HSCB: variants seen among roughly 807,000 people sequenced by gnomAD.
The protein encoded by HSCB is HscB mitochondrial iron-sulfur cluster cochaperone, also known as iron-sulfur cluster co-chaperone protein HscB.
Under a neutral mutation model 31.3 loss-of-function variants are expected in HSCB, and 23 were observed. The ratio of observed to expected loss-of-function variants is 0.74; its 90% confidence interval spans 0.53 to 1.04. The LOEUF is 1.04. HSCB is among the 50% of genes least tolerant of loss of function. The pLI, the probability that HSCB is intolerant of heterozygous loss-of-function variation, is 0.00. For synonymous variants in HSCB, 110 were observed against 104.5 expected (o/e 1.05, Z -0.32); for missense variants, 297 against 288.1 (o/e 1.03, Z -0.22).
Position 28,742,107 on chromosome 22 carries a change from G to T in HSCB, c.12G>T (p.Gly4=), listed in dbSNP as rs1012609326. Residue 4 remains glycine (G), a synonymous_variant, in exon 1 of 6, where the codon GGG becomes GGT. Transcript: ENST00000216027. Reference sequence around the variant, plus strand: ...AGGCCGCCGGCCAGATGTGGCGGGGGAGAGCCGGGGCTTTGCTCCGGGTGT... The same window carrying T: ...AGGCCGCCGGCCAGATGTGGCGGGGTAGAGCCGGGGCTTTGCTCCGGGTGT... MWR[G]RAGALLRVWG... The T allele has an allele frequency of 6.2e-7, 1 of 1,600,414 alleles. No homozygotes were observed. Among genetic ancestry groups the T allele is most frequent in the Non-Finnish European group, 8.5e-7 (1 of 1,173,680 alleles).
intron 4 of HSCB, among the ~76,000 whole-genome samples, chr22:28,749,833 CT>C (rs746640848): frequency 2.0e-5 from 3 of 152,232 alleles, no homozygotes; most frequent in Admixed American, 6.6e-5. Context: ...GTGCTACTGA[CT>C]TTGCGTGACC....
At chr22:28,742,364 G>A (rs1451010769) in intron 1 of HSCB, 33 bp downstream of exon 1, 1 of 1,605,302 alleles carries the variant, frequency 6.2e-7, no homozygotes, top group African/African-American at 1.3e-5. Flanking sequence ...ACGGGCCCGG[G>A]CGAGAGACAC....
chr22:28,751,361 A>G (rs566691839), intron 5 of HSCB, 73 bp downstream of exon 5: 1 of 844,590 alleles, frequency 1.2e-6, no homozygotes, highest in East Asian at 2.6e-5. Flanking sequence ...TTCATTCAAT[A>G]ACTAGCTATT....
intron 5 of HSCB, among the ~76,000 whole-genome samples, chr22:28,755,547 C>CTT (rs2030549128): frequency 6.6e-6 from 1 of 152,110 alleles, no homozygotes; most frequent in African/African-American, 2.4e-5. Flanking sequence ...CATTCCCTTG[C>CTT]TTTTCTTGAT....
Position 28,745,886 on chromosome 22 carries a change from T to G in HSCB, c.446T>G (p.Ile149Ser). The G allele has an allele frequency of 6.2e-7, 1 of 1,612,424 alleles. No individual in the cohort carries two copies. Among genetic ancestry groups the G allele is most frequent in the Non-Finnish European group, 8.5e-7 (1 of 1,179,422 alleles). ...TAGCTAAAGCTCCATGGAATAGAGA[T>G]TCCTGAAAGGACAGATTATGAAATG... is the stretch of plus-strand genomic sequence containing the variant. Reference protein sequence around the residue: ...LYLLKLHGIEIPERTDYEMDR... With the variant: ...LYLLKLHGIESPERTDYEMDR... Residue 149 changes from isoleucine (I) to serine (S), a missense_variant, in exon 4 of 6, where the codon ATT (isoleucine) becomes AGT (serine). Transcript: ENST00000216027.
At position 28,750,247 on chromosome 22, in the gene HSCB, C is replaced by CAAAAAAAAAAAAAAAA. The variant is rs563701958; in HGVS notation, c.569-980_569-965dup. 4.6e-5 allele frequency among the ~76,000 whole-genome samples: 3 copies of CAAAAAAAAAAAAAAAA among 64,714 alleles called. 1 individual carries two copies. The highest frequency in any genetic ancestry group is 9.3e-5 in the Non-Finnish European group (3 of 32,166). 42.5% of individuals were successfully genotyped at this position (64,714 alleles called of 152,430 possible). A position where few individuals can be genotyped will look rare whatever the true frequency, so the allele number is the denominator to read the frequency against. On this transcript the variant is annotated intron_variant, in intron 4 of 5. Transcript: ENST00000216027. ...CTGGGCAACAAGAGCGAAACTGTCT[C>CAAAAAAAAAAAAAAAA]AAAAAAAAAAAAAAAAAAAAAAAAA...
intron 4 of HSCB, among the ~76,000 whole-genome samples, chr22:28,748,500 G>A (rs569280425): frequency 6.6e-6 from 1 of 151,230 alleles, no homozygotes; most frequent in Non-Finnish European, 1.5e-5. Context: ...TGAAACCCAA[G>A]CGTTTTTTTT....
At chr22:28,752,504 G>C (rs2030323933) in intron 5 of HSCB, among the ~76,000 whole-genome samples, 1 of 151,840 alleles carries the variant, frequency 6.6e-6, no homozygotes, top group African/African-American at 2.4e-5. Flanking sequence ...AGAGGCTGAG[G>C]CTGGCGGATC....
chr22:28,757,003 G>A (rs2030644599), intron 5 of HSCB, 75 bp from the exon 6 acceptor site: 3 of 836,034 alleles, frequency 3.6e-6, no homozygotes, highest in Non-Finnish European at 2.1e-6. Context: ...CTTATATATC[G>A]CTGCCCTAGT....
intron 5 of HSCB, among the ~76,000 whole-genome samples, chr22:28,754,876 A>G (rs1002108966): frequency 2.7e-5 from 4 of 150,492 alleles, no homozygotes; most frequent in African/African-American, 9.7e-5. Context: ...GCTCACTGCA[A>G]CCTCAGCCTT....
intron 5 of HSCB, among the ~76,000 whole-genome samples, chr22:28,752,805 G>T (rs1569188353): frequency 6.6e-6 from 1 of 152,036 alleles, no homozygotes; most frequent in Non-Finnish European, 1.5e-5. Flanking sequence ...GATTGGCTAG[G>T]CGTGGTGGCT....
rs1283675927 is a variant in HSCB at position 28,742,439 on chromosome 22, G to A, written c.236+108G>A. The stretch of plus-strand genomic sequence containing the variant: ...TGGCGGAAGAGAAGGCGGGACTGAT[G>A]GGGGGGCGGAGGTCTAGAGAGCAGG... On this transcript the variant is annotated intron_variant, in intron 1 of 5. Coordinates refer to ENST00000216027, the MANE Select transcript of HSCB (RefSeq NM_172002.5). 8.1e-6 allele frequency: 12 copies of A among 1,490,452 alleles called. No individual in the cohort carries two copies. The Admixed American group carries it at 2.2e-4, about 27-fold the overall frequency. The allele number at this position is 1,490,452 out of a possible 1,614,324, so 92.3% of individuals were successfully genotyped here. A position where few individuals can be genotyped will look rare whatever the true frequency, so the allele number is the denominator to read the frequency against.
chr22:28,744,584 G>A, intron 2 of HSCB, 31 bp from the exon 3 acceptor site: 1 of 1,465,562 alleles, frequency 6.8e-7, no homozygotes, highest in Non-Finnish European at 9.6e-7. Flanking sequence ...GATTTGGATG[G>A]TAATAGTACT....
chr22:28,756,876 C>T (rs2030633126), intron 5 of HSCB, among the ~76,000 whole-genome samples: 4 of 152,142 alleles, frequency 2.6e-5, no homozygotes, highest in South Asian at 2.1e-4. Flanking sequence ...CATGCTCTTA[C>T]ACAACTCTCG....
chr22:28,749,838 C>T (rs2030092831), intron 4 of HSCB, among the ~76,000 whole-genome samples: 1 of 152,164 alleles, frequency 6.6e-6, no homozygotes, highest in East Asian at 1.9e-4. Context: ...ACTGACTTTG[C>T]GTGACCTTGA....
In HSCB at chr22:28,743,958, T is replaced by G; in HGVS notation, c.313T>G (p.Phe105Val). The G allele has an allele frequency of 6.2e-7, 1 of 1,614,090 alleles. No homozygotes were observed. Among genetic ancestry groups the G allele is most frequent in the Non-Finnish European group, 8.5e-7 (1 of 1,179,948 alleles). ...QQLQRLVHPD[F>V]FSQRSQTEKD... is the part of the protein sequence containing the mutation. ...ACTGCAGCGTCTTGTCCACCCAGAT[T>G]TCTTCAGCCAGAGGTCTCAGGTAGC... Residue 105 changes from phenylalanine (F) to valine (V), a missense_variant, in exon 2 of 6, where the codon TTC becomes GTC. By Grantham distance (50) the Phe-to-Val change is conservative. Transcript: ENST00000216027.
At chr22:28,753,024 AG>A (rs1344195611) in intron 5 of HSCB, among the ~76,000 whole-genome samples, 1 of 151,834 alleles carries the variant, frequency 6.6e-6, no homozygotes, top group Non-Finnish European at 1.5e-5. Context: ...GGTTGCAGTG[AG>A]CCGAGATCAC....
intron 4 of HSCB, among the ~76,000 whole-genome samples, chr22:28,748,554 C>T (rs956839028): frequency 6.6e-6 from 1 of 151,928 alleles, no homozygotes; most frequent in Non-Finnish European, 1.5e-5. Context: ...GCTCTGTTGC[C>T]CAGGCTGGAG....
At chr22:28,752,612 T>C (rs542102673) in intron 5 of HSCB, among the ~76,000 whole-genome samples, 87 of 150,774 alleles carry the variant, frequency 5.8e-4, no homozygotes, top group Middle Eastern at 3.4e-3. Context: ...TGACCGTCTG[T>C]AGTCCCAGCT....
Sources: gnomAD v4.1 joint callset for allele counts (sites outside exome capture counted in the v4.1 genomes callset) on GRCh38, gnomAD v4.1.1 for gene constraint, MANE v1.5 for transcripts, NCBI Gene and HGNC (gene_info 2026-07-23, HGNC 2026-07-21) for gene names.